Variants in RANBP2 observed in about 807,000 individuals in gnomAD.
RANBP2 encodes the protein E3 SUMO-protein ligase RanBP2.
Under a neutral mutation model 303.6 loss-of-function variants are expected in RANBP2, and 57 were observed. The ratio of observed to expected loss-of-function variants is 0.19; its 90% CI spans 0.15 to 0.23. The LOEUF (loss-of-function observed/expected upper bound fraction) is 0.23. Among genes scored for constraint, RANBP2 ranks in the 10% least tolerant of loss-of-function variants. The pLI, the probability that RANBP2 is intolerant of heterozygous loss-of-function variation, is 1.00. For missense variants in RANBP2, 3,138 were observed against 3,780.8 expected, an observed-to-expected ratio of 0.83 and a Z score of 4.46; for synonymous variants, 1,167 against 1,301.5, an observed-to-expected ratio of 0.90 and a Z score of 2.23.
chr2:109,254,470 A>C, the RANBP2 span, among the ~76,000 whole-genome samples: 1 of 152,182 alleles, frequency 6.6e-6, no homozygotes, highest in African/African-American at 2.4e-5. Flanking sequence ...GGCCTGACAC[A>C]TTGCATGTAA....
chr2:109,129,291 C>A, the RANBP2 span: 3 of 691,384 alleles, frequency 4.3e-6, no homozygotes, highest in South Asian at 3.3e-5. Context: ...AGCCCGCAGC[C>A]GCAGGCGCTG....
At chr2:109,764,203 AAGGTGTTCATTCAG>A in the RANBP2 span, among the ~76,000 whole-genome samples, 1 of 150,214 alleles carries the variant, frequency 6.7e-6, no homozygotes, top group Non-Finnish European at 1.5e-5. Context: ...GAAAAAGGTG[AAGGTGTTCATTCAG>A]CACCCGACAC....
the RANBP2 span, among the ~76,000 whole-genome samples, chr2:108,898,301 G>GC: frequency 6.6e-6 from 1 of 152,068 alleles, no homozygotes; most frequent in Non-Finnish European, 1.5e-5. Flanking sequence ...AAACTCCTCT[G>GC]CCCCCGTGGT....
chr2:108,720,959 G>T (rs1408150406), intron 1 of RANBP2, among the ~76,000 whole-genome samples: 1 of 152,166 alleles, frequency 6.6e-6, no homozygotes, highest in Non-Finnish European at 1.5e-5. Context: ...TGAGGCAGGA[G>T]AGTCGCTTGA....
chr2:108,787,354 C>G (rs997318373), downstream of RANBP2, among the ~76,000 whole-genome samples: 1 of 152,186 alleles, frequency 6.6e-6, no homozygotes, highest in African/African-American at 2.4e-5. Context: ...CTTTACCATT[C>G]GTTCTCTCCC....
chr2:109,370,400 C>T, the RANBP2 span, among the ~76,000 whole-genome samples: 92 of 152,074 alleles, frequency 6.0e-4, no homozygotes, highest in African/African-American at 2.1e-3. Context: ...CCACCATGCC[C>T]GGCTTATTTT....
At chr2:109,705,452 G>A in the RANBP2 span, among the ~76,000 whole-genome samples, 1 of 152,194 alleles carries the variant, frequency 6.6e-6, no homozygotes, top group African/African-American at 2.4e-5. Context: ...TATGCAGCGA[G>A]GGTGGGTGGA....
chr2:109,196,057 G>A, the RANBP2 span, among the ~76,000 whole-genome samples: 2 of 152,220 alleles, frequency 1.3e-5, no homozygotes, highest in East Asian at 1.9e-4. Context: ...AGGTGATGTC[G>A]AAGGGCTCCA....
At chr2:109,673,688 A>G in the RANBP2 span, among the ~76,000 whole-genome samples, 1 of 151,540 alleles carries the variant, frequency 6.6e-6, no homozygotes, top group Non-Finnish European at 1.5e-5. Context: ...ACATGGCAAA[A>G]CCCCATCTCT....
At chr2:109,672,366 C>A in the RANBP2 span, among the ~76,000 whole-genome samples, 1 of 152,116 alleles carries the variant, frequency 6.6e-6, no homozygotes, top group East Asian at 1.9e-4. Flanking sequence ...GAACCATATA[C>A]CCTTCATTTT....
the RANBP2 span, among the ~76,000 whole-genome samples, chr2:109,393,581 T>C: frequency 6.6e-6 from 1 of 152,160 alleles, no homozygotes; most frequent in African/African-American, 2.4e-5. Context: ...AAGAGTCATG[T>C]GTTGCCTTCT....
chr2:108,789,098 C>A, downstream of RANBP2: 1 of 722,984 alleles, frequency 1.4e-6, no homozygotes, highest in Non-Finnish European at 2.2e-6. Context: ...CAGTCTGGAG[C>A]CTGCTAAATA....
chr2:108,998,747 A>T, the RANBP2 span, among the ~76,000 whole-genome samples: 1 of 146,284 alleles, frequency 6.8e-6, no homozygotes, highest in Non-Finnish European at 1.5e-5. Context: ...AAAGATCTGG[A>T]TTTTTTTTTT....
At chr2:109,708,982 T>G in the RANBP2 span, among the ~76,000 whole-genome samples, 2 of 144,682 alleles carry the variant, frequency 1.4e-5, no homozygotes, top group Admixed American at 6.9e-5. Flanking sequence ...CTCTCAAAAA[T>G]AAATAAATAA....
the RANBP2 span, among the ~76,000 whole-genome samples, chr2:109,118,201 C>T: frequency 6.6e-6 from 1 of 152,084 alleles, no homozygotes; most frequent in Non-Finnish European, 1.5e-5. Context: ...TAAACAGCAC[C>T]ATCATTTTCA....
chr2:109,479,009 CA>C, the RANBP2 span, among the ~76,000 whole-genome samples: 1 of 152,206 alleles, frequency 6.6e-6, no homozygotes, highest in Non-Finnish European at 1.5e-5. Context: ...GCGGGAGCTG[CA>C]GCCTCCTGGA....
the RANBP2 span, chr2:108,856,928 T>C: frequency 6.2e-7 from 1 of 1,612,168 alleles, no homozygotes; most frequent in East Asian, 2.2e-5. Flanking sequence ...AGGACTCCTG[T>C]CTAATGTTAT....
chr2:108,790,875 C>T, the RANBP2 span, among the ~76,000 whole-genome samples: 1 of 152,116 alleles, frequency 6.6e-6, no homozygotes. Flanking sequence ...CCTCAGGCTC[C>T]TGAGTAGCTG....
intron 8 of RANBP2, 84 bp from the exon 9 acceptor site, chr2:108,748,836 C>T (rs1365146164): frequency 5.0e-6 from 8 of 1,610,536 alleles, no homozygotes; most frequent in Non-Finnish European, 6.8e-6. Context: ...TGTTATTTCC[C>T]CTTTGGGTAT....
Sources: gnomAD v4.1 joint callset for allele counts (sites outside exome capture counted in the v4.1 genomes callset) on GRCh38, gnomAD v4.1.1 for gene constraint, MANE v1.5 for transcripts, NCBI Gene and HGNC (gene_info 2026-07-23, HGNC 2026-07-21) for gene names.